The following PDXDC1 variants were observed in gnomAD, a reference collection of about 807,000 sequenced individuals.
PDXDC1 encodes the protein pyridoxal-dependent decarboxylase domain-containing protein 1.
Under a neutral mutation model 100.1 loss-of-function variants are expected in PDXDC1, and 42 were observed. That is an observed-to-expected ratio of 0.42 (90% CI 0.33 to 0.54). The LOEUF is 0.54. PDXDC1 is among the 20% of genes least tolerant of loss of function. PDXDC1 has a pLI of 0.10. For synonymous variants in PDXDC1, 260 were observed against 371.7 expected (o/e 0.70, Z 3.46); for missense variants, 636 against 979.2 (o/e 0.65, Z 4.68).
At chr16:14,981,335 A>C (rs1326134677) in intron 1 of PDXDC1, among the ~76,000 whole-genome samples, 1 of 152,272 alleles carries the variant, frequency 6.6e-6, no homozygotes, top group Non-Finnish European at 1.5e-5. Context: ...GAATGGTGAT[A>C]ATCATTCAAC....
chr16:15,048,958 T>A (rs1285338706), intron 16 of PDXDC1, among the ~76,000 whole-genome samples: 4 of 147,522 alleles, frequency 2.7e-5, no homozygotes, highest in Non-Finnish European at 5.9e-5. Context: ...GAGGCCTCCC[T>A]ATGCTGCCCA....
chr16:15,033,153 G>A (rs753583368), intron 18 of PDXDC1, 125 bp from the exon 19 acceptor site: 89 of 1,151,552 alleles, frequency 7.7e-5, no homozygotes, highest in Admixed American at 5.4e-4. Context: ...CTTTCTCTCC[G>A]CCCTTAGAAT....
chr16:15,078,373 T>A (rs1597944721), intron 16 of PDXDC1, among the ~76,000 whole-genome samples: 1 of 152,142 alleles, frequency 6.6e-6, no homozygotes, highest in East Asian at 1.9e-4. Flanking sequence ...CATCCCCTCC[T>A]TCCACCACAA....
At chr16:15,135,864 C>T (rs893987825) in intron 16 of PDXDC1, 42 of 1,547,812 alleles carry the variant, frequency 2.7e-5, no homozygotes, top group African/African-American at 1.2e-4. Context: ...CCAAATGACA[C>T]GACAAACACA....
intron 16 of PDXDC1, chr16:15,074,821 G>C (rs776463577): frequency 6.2e-7 from 1 of 1,613,664 alleles, no homozygotes; most frequent in Non-Finnish European, 8.5e-7. Flanking sequence ...GAGCCGTTCA[G>C]GACCAGCCTT....
At chr16:15,125,123 G>A in intron 16 of PDXDC1, 1 of 456,158 alleles carries the variant, frequency 2.2e-6, no homozygotes, top group Admixed American at 3.5e-5. Flanking sequence ...CTCCAGCCTG[G>A]GTGACAGAAT....
At chr16:15,072,245 CA>C (rs55852324) in intron 16 of PDXDC1, among the ~76,000 whole-genome samples, 81,377 of 133,432 alleles carry the variant, frequency 0.61, 26,175 homozygotes, top group Non-Finnish European at 0.72. Flanking sequence ...TTTCCCCCAC[CA>C]AAAAAAAAAA....
chr16:15,077,352 T>G lies in PDXDC1; in HGVS notation c.1399+47296T>G, dbSNP rs557444554. Among the ~76,000 whole-genome samples the G allele has an allele frequency of 1.4e-4, 22 of 152,226 alleles. 1 individual carries two copies. The South Asian group carries it at 4.4e-3, about 30-fold the overall frequency. On this transcript the variant is annotated intron_variant, in intron 16 of 16. Coordinates refer to the PDXDC1 transcript ENST00000535621. ...TGGGGGGGGACTGGTGGGAGATAATTTGAATCATAGGGTAGGTTTCCCCCA... is the reference window on the plus strand; with the variant it reads ...TGGGGGGGGACTGGTGGGAGATAATGTGAATCATAGGGTAGGTTTCCCCCA...
chr16:15,089,971 G>A (rs535195049), intron 16 of PDXDC1, among the ~76,000 whole-genome samples: 1 of 151,890 alleles, frequency 6.6e-6, no homozygotes, highest in South Asian at 2.1e-4. Context: ...CACTTTGGGA[G>A]GCCAAGGCGG....
intron 16 of PDXDC1, chr16:15,131,477 C>G: frequency 6.2e-7 from 1 of 1,607,538 alleles, no homozygotes; most frequent in Non-Finnish European, 8.5e-7. Context: ...CCTGGGGCGC[C>G]GCCATAGCAC....
chr16:14,979,498 C>G (rs1287826724), intron 1 of PDXDC1, among the ~76,000 whole-genome samples: 1 of 152,280 alleles, frequency 6.6e-6, no homozygotes, highest in African/African-American at 2.4e-5. Flanking sequence ...CCATATTGAC[C>G]AGGCTGGTCT....
intron 1 of PDXDC1, among the ~76,000 whole-genome samples, chr16:14,986,468 C>T (rs1184683220): frequency 3.9e-5 from 6 of 152,258 alleles, no homozygotes; most frequent in Admixed American, 2.0e-4. Context: ...GACTGCATCT[C>T]GAAAAAAGTC....
chr16:15,111,223 G>T (rs1173414154), intron 16 of PDXDC1, among the ~76,000 whole-genome samples: 1 of 148,698 alleles, frequency 6.7e-6, no homozygotes, highest in African/African-American at 2.4e-5. Context: ...TTGGGAGGCC[G>T]AGGCAGGCGG....
intron 8 of PDXDC1, among the ~76,000 whole-genome samples, chr16:15,014,355 A>G (rs1412723685): frequency 1.3e-5 from 2 of 152,288 alleles, no homozygotes; most frequent in East Asian, 1.9e-4. Context: ...TGCAGTTTGC[A>G]TGTGACTGAG....
chr16:15,046,946 C>T (rs1345633870), intron 16 of PDXDC1, among the ~76,000 whole-genome samples: 3 of 152,202 alleles, frequency 2.0e-5, no homozygotes, highest in African/African-American at 7.2e-5. Context: ...TTCCTGGCCT[C>T]GTTTTCTCCA....
At chr16:15,061,813 C>T (rs780378934) in intron 16 of PDXDC1, 10 of 1,614,032 alleles carry the variant, frequency 6.2e-6, no homozygotes, top group East Asian at 2.2e-5. Flanking sequence ...TTCGGAAATG[C>T]GTGTCAAAGG....
chr16:15,134,388 C>G, intron 16 of PDXDC1: 1 of 617,958 alleles, frequency 1.6e-6, no homozygotes. Context: ...GTCTATTTGG[C>G]CTGCTGGAAG....
At chr16:14,991,664 A>G (rs1231695164) in intron 1 of PDXDC1, among the ~76,000 whole-genome samples, 1 of 152,224 alleles carries the variant, frequency 6.6e-6, no homozygotes, top group African/African-American at 2.4e-5. Flanking sequence ...GACCAGAGGC[A>G]TGCACTACCA....
chr16:15,148,317 G>A, the PDXDC1 span, among the ~76,000 whole-genome samples: 1 of 148,056 alleles, frequency 6.8e-6, no homozygotes, highest in African/African-American at 2.5e-5. Context: ...CTTCTCACAC[G>A]CTGTTGGCCA....
Sources: gnomAD v4.1 joint callset for allele counts (sites outside exome capture counted in the v4.1 genomes callset) on GRCh38, gnomAD v4.1.1 for gene constraint, MANE v1.5 for transcripts, NCBI Gene and HGNC (gene_info 2026-07-23, HGNC 2026-07-21) for gene names.